Variants in SLC9A3 observed in about 807,000 individuals in gnomAD.
The protein encoded by SLC9A3 is solute carrier family 9 member A3.
A neutral mutation model predicts 86.8 loss-of-function variants in SLC9A3; 37 were observed. The observed-to-expected ratio is 0.43, with a 90% CI of 0.33 to 0.56. SLC9A3 has a LOEUF of 0.56. Ranked by LOEUF, SLC9A3 falls within the 20% of genes least tolerant of loss-of-function variation. SLC9A3 has a pLI of 0.06. For missense variants in SLC9A3, 1,011 were observed against 1,171.9 expected (o/e 0.86, Z 2.00); for synonymous variants, 581 against 528.3 (o/e 1.10, Z -1.37).
chr5:500,177 A>G (rs1271735199), intron 1 of SLC9A3, among the ~76,000 whole-genome samples: 1 of 152,280 alleles, frequency 6.6e-6, no homozygotes, highest in Non-Finnish European at 1.5e-5. Flanking sequence ...AACTCGCCCC[A>G]TGGCACACAC....
At chr5:477,251 G>A (rs1560950039) in intron 11 of SLC9A3, 81 bp downstream of exon 11, 6 of 979,616 alleles carry the variant, frequency 6.1e-6, no homozygotes, top group Admixed American at 2.3e-5. Flanking sequence ...CAGGCCAGGA[G>A]CCACCACAGC....
chr5:493,690 G>A (rs539177547), intron 1 of SLC9A3, among the ~76,000 whole-genome samples: 1 of 152,376 alleles, frequency 6.6e-6, no homozygotes, highest in African/African-American at 2.4e-5. Context: ...GGCTCTGCCT[G>A]CTGCTCCAGA....
At position 476,585 on chromosome 5, in the gene SLC9A3, C is replaced by T. The variant is rs368902663; in HGVS notation, c.1848G>A (p.Thr616=). The T allele has an allele frequency of 3.4e-5, 54 of 1,611,218 alleles. No homozygotes were observed. The highest frequency in any genetic ancestry group is 9.3e-5 in the African/African-American group (7 of 75,040). ...RSIRDAEDMV[T]HHTLQQYLYK... ...ACAGGTACTGCTGTAGCGTGTGGTG[C>T]GTGACCATGTCCTCCGCGTCCCGGA... The change falls in exon 12 of 17, where the codon ACG becomes ACA. Residue 616 remains threonine, a synonymous_variant. Coordinates refer to ENST00000264938, the MANE Select transcript of SLC9A3 (RefSeq NM_004174.4).
chr5:486,480 C>T (rs1011824176), intron 3 of SLC9A3, among the ~76,000 whole-genome samples: 10 of 152,242 alleles, frequency 6.6e-5, no homozygotes, highest in East Asian at 3.8e-4. Context: ...CCTTACTGAG[C>T]GCTGATGTGG....
chr5:473,249 G>GGCGGGGC lies in SLC9A3; in HGVS notation c.*123_*129dup. ...TCTGCGCAGGCGCTGGCGTGGGCGA[G>GGCGGGGC]GCGGGGCTCGGGGCTCGCGGTCGCT... On this transcript the variant is annotated 3_prime_UTR_variant, in exon 17 of 17. Transcript: ENST00000264938. 1 of 1,032,092 alleles carries GGCGGGGC rather than the reference G, an allele frequency of 9.7e-7. No homozygotes were observed. The highest frequency in any genetic ancestry group is 1.2e-6 in the Non-Finnish European group (1 of 806,434). 63.9% of individuals were successfully genotyped at this position (1,032,092 alleles called of 1,614,324 possible).
At position 483,178 on chromosome 5, in the gene SLC9A3, T is replaced by C. The variant is rs375094090; in HGVS notation, c.1153+84A>G. The C allele has an allele frequency of 1.4e-5, 15 of 1,079,548 alleles. No individual in the cohort carries two copies. In the South Asian group the frequency reaches 2.0e-4, roughly 14 times the overall value. The allele number at this position is 1,079,548 out of a possible 1,614,324, so 66.9% of individuals were successfully genotyped here. A position where few individuals can be genotyped will look rare whatever the true frequency, so the allele number is the denominator to read the frequency against. Reference sequence around the variant, plus strand: ...GCACGGGGCTGCACCTCCATCTCCCTGGGCCCAGTAGAAAGCCTGCGCCTT... The same window carrying C: ...GCACGGGGCTGCACCTCCATCTCCCCGGGCCCAGTAGAAAGCCTGCGCCTT... On this transcript the variant is annotated intron_variant, in intron 6 of 16. Coordinates refer to ENST00000264938, the MANE Select transcript of SLC9A3 (RefSeq NM_004174.4).
At chr5:484,121 C>T (rs563767277) in intron 5 of SLC9A3, among the ~76,000 whole-genome samples, 13 of 148,104 alleles carry the variant, frequency 8.8e-5, no homozygotes, top group East Asian at 2.1e-4. Flanking sequence ...TGGAGAAGCT[C>T]GGGTTGGGGT....
In SLC9A3 at chr5:475,151, G is replaced by A. The variant is rs756863311; in HGVS notation, c.2252-19C>T. The A allele has an allele frequency of 3.2e-6, 5 of 1,554,654 alleles. No homozygotes were observed. The African/African-American group carries it at 6.8e-5, about 21-fold the overall frequency. ...TCAATTCCTAGGAGAGAGGGCAGCG[G>A]CTAGTCAGCCTTCGGAGAGCCCCAC... is the stretch of plus-strand genomic sequence containing the variant. On this transcript the variant is annotated intron_variant, in intron 15 of 16. Coordinates refer to ENST00000264938, the MANE Select transcript of SLC9A3 (RefSeq NM_004174.4).
At chr5:509,906 G>T (rs752644269) in intron 1 of SLC9A3, among the ~76,000 whole-genome samples, 1 of 152,214 alleles carries the variant, frequency 6.6e-6, no homozygotes, top group Non-Finnish European at 1.5e-5. Flanking sequence ...TCTCAGAGGG[G>T]CCCTGCGGGC....
intron 10 of SLC9A3, chr5:479,428 G>A (rs1277582819): frequency 6.5e-5 from 13 of 198,708 alleles, no homozygotes; most frequent in Admixed American, 1.6e-4. Context: ...GGCCCACAGC[G>A]GGAGACGGCC....
At chr5:518,477 C>A (rs1223877954) in intron 1 of SLC9A3, among the ~76,000 whole-genome samples, 1 of 152,148 alleles carries the variant, frequency 6.6e-6, no homozygotes, top group East Asian at 1.9e-4. Context: ...ACCTGGCACG[C>A]CAACACCTGG....
chr5:481,113 C>T (rs1235977759), intron 9 of SLC9A3, among the ~76,000 whole-genome samples: 2 of 152,212 alleles, frequency 1.3e-5, no homozygotes, highest in Admixed American at 1.3e-4. Flanking sequence ...TGGTCTCAAA[C>T]TCCTGACCTC....
chr5:523,702 T>C (rs1056083487), intron 1 of SLC9A3, among the ~76,000 whole-genome samples: 10 of 151,986 alleles, frequency 6.6e-5, no homozygotes, highest in East Asian at 1.9e-4. Context: ...TTTTCTTTTC[T>C]GCCCTTGTAA....
intron 1 of SLC9A3, among the ~76,000 whole-genome samples, chr5:521,667 C>T (rs1010645707): frequency 6.6e-6 from 1 of 152,126 alleles, no homozygotes; most frequent in African/African-American, 2.4e-5. Flanking sequence ...GACCCCAGTC[C>T]GGGGGCTGTG....
At chr5:499,987 G>C (rs1232264564) in intron 1 of SLC9A3, among the ~76,000 whole-genome samples, 48 of 152,246 alleles carry the variant, frequency 3.2e-4, no homozygotes, top group Non-Finnish European at 5.9e-5. Context: ...GCAGGGCACA[G>C]CCTCCTCGGC....
intron 14 of SLC9A3, 152 bp downstream of exon 14, chr5:475,868 C>T: frequency 1.3e-6 from 1 of 748,180 alleles, no homozygotes; most frequent in East Asian, 2.7e-5. Flanking sequence ...GGTGGGTCTG[C>T]AGCTGGGGCC....
chr5:471,498 TG>T lies in SLC9A3; in HGVS notation c.*1880del. On this transcript the variant is annotated 3_prime_UTR_variant, in exon 17 of 17. Transcript: ENST00000264938. ...TCCCAGCAGTTCAGATGGGACAAAC[TG>T]GGGGCCTGTCAGAACAGCCACTTGT... is the stretch of plus-strand genomic sequence containing the variant. 2.9e-6 allele frequency: 1 copy of T among 344,120 alleles called. No homozygotes were observed. Among genetic ancestry groups the T allele is most frequent in the Non-Finnish European group, 5.7e-6 (1 of 174,312 alleles). 21.3% of individuals were successfully genotyped at this position (344,120 alleles called of 1,614,324 possible). A position where few individuals can be genotyped will look rare whatever the true frequency, so the allele number is the denominator to read the frequency against.
At chr5:493,981 G>A (rs1168775134) in intron 1 of SLC9A3, among the ~76,000 whole-genome samples, 1 of 152,252 alleles carries the variant, frequency 6.6e-6, no homozygotes, top group Middle Eastern at 3.2e-3. Flanking sequence ...CCTGGAATGA[G>A]GGAGGGAGGC....
chr5:522,169 A>G (rs921180738), intron 1 of SLC9A3, among the ~76,000 whole-genome samples: 2 of 152,216 alleles, frequency 1.3e-5, no homozygotes, highest in African/African-American at 4.8e-5. Flanking sequence ...GCTGAGTGCT[A>G]TCAGGGTGGG....
Sources: allele counts gnomAD v4.1 joint callset (sites outside exome capture counted in the v4.1 genomes callset), GRCh38; gene constraint gnomAD v4.1.1; transcripts MANE v1.5; gene names NCBI Gene and HGNC (gene_info 2026-07-23, HGNC 2026-07-21).